The following KLHL32 variants were observed in gnomAD, a reference collection of about 807,000 sequenced individuals.
KLHL32 encodes the protein kelch like family member 32.
Under a neutral mutation model 64.8 loss-of-function variants are expected in KLHL32, and 35 were observed. The ratio of observed to expected loss-of-function variants is 0.54; its 90% CI spans 0.41 to 0.72. The LOEUF (loss-of-function observed/expected upper bound fraction) is 0.72, where lower values mean the gene tolerates loss of function less well. Ranked by LOEUF, KLHL32 falls within the 30% of genes least tolerant of loss-of-function variation. The pLI, the probability that KLHL32 is intolerant of heterozygous loss-of-function variation, is 0.00. For synonymous variants in KLHL32, 259 were observed against 281.0 expected, an observed-to-expected ratio of 0.92 and a Z score of 0.78; for missense variants, 589 against 768.5, an observed-to-expected ratio of 0.77 and a Z score of 2.76.
chr6:96,923,079 T>G (rs956911160), upstream of KLHL32, among the ~76,000 whole-genome samples: 1 of 152,196 alleles, frequency 6.6e-6, no homozygotes, highest in African/African-American at 2.4e-5. Context: ...GACTCTTCCA[T>G]AGTCACACAG....
intron 5 of KLHL32, among the ~76,000 whole-genome samples, chr6:97,065,952 G>T (rs549874433): frequency 1.3e-5 from 2 of 152,038 alleles, no homozygotes; most frequent in African/African-American, 4.8e-5. Flanking sequence ...ATGATTATTT[G>T]AGCACATTTA....
At chr6:96,912,832 A>G in the KLHL32 span, among the ~76,000 whole-genome samples, 1 of 152,054 alleles carries the variant, frequency 6.6e-6, no homozygotes, top group Non-Finnish European at 1.5e-5. Flanking sequence ...GTTCCTCTGC[A>G]TTGTAATTGC....
At chr6:97,112,499 T>G (rs1797274602) in intron 6 of KLHL32, among the ~76,000 whole-genome samples, 2 of 151,564 alleles carry the variant, frequency 1.3e-5, no homozygotes, top group South Asian at 2.1e-4. Context: ...CAGGCTGGAG[T>G]GCAATGGTGG....
At chr6:97,043,665 T>C (rs1395823548) in intron 4 of KLHL32, among the ~76,000 whole-genome samples, 1 of 152,164 alleles carries the variant, frequency 6.6e-6, no homozygotes, top group Non-Finnish European at 1.5e-5. Context: ...GGTGTATTAA[T>C]TTATATTCCC....
rs781729958 is a variant in KLHL32 at position 97,114,131 on chromosome 6, T to C, written c.976T>C (p.Trp326Arg). The C allele has an allele frequency of 6.2e-7, 1 of 1,614,198 alleles. No individual in the cohort carries two copies. The highest frequency in any genetic ancestry group is 8.5e-7 in the Non-Finnish European group (1 of 1,180,030). Residue 326 changes from tryptophan to arginine, a missense_variant, in exon 7 of 11, where the codon TGG becomes CGG. Trp to Arg is a moderately radical substitution (Grantham distance 101, BLOSUM62 -3). Transcript: ENST00000369261. ...ENALIAAIAN[W>R]SELAPMPVGR... ...TGCTCTCATAGCTGCCATTGCCAAC[T>C]GGAGTGAGCTGGCTCCCATGCCTGT...
chr6:96,990,388 G>T (rs1341785409), intron 3 of KLHL32, among the ~76,000 whole-genome samples: 1 of 152,162 alleles, frequency 6.6e-6, no homozygotes, highest in Non-Finnish European at 1.5e-5. Context: ...AGTTTGGGCT[G>T]TGATCCAGTA....
chr6:97,048,312 T>C (rs1015257744), intron 4 of KLHL32, among the ~76,000 whole-genome samples: 6 of 152,202 alleles, frequency 3.9e-5, no homozygotes, highest in Non-Finnish European at 8.8e-5. Flanking sequence ...TTCTCTTTAT[T>C]ATTCAGTAAC....
At chr6:96,920,025 G>T (rs1389266705), upstream of KLHL32, among the ~76,000 whole-genome samples, 3 of 152,198 alleles carry the variant, frequency 2.0e-5, no homozygotes, top group Non-Finnish European at 4.4e-5. Flanking sequence ...TCAGTGGAAA[G>T]GCAGGGTCTA....
At chr6:97,021,083 A>G (rs1257068271) in intron 3 of KLHL32, among the ~76,000 whole-genome samples, 2 of 150,986 alleles carry the variant, frequency 1.3e-5, no homozygotes, top group Non-Finnish European at 2.9e-5. Context: ...TATTATAAGG[A>G]GTTGGCTCAT....
At chr6:96,969,261 G>A (rs1774848202) in intron 2 of KLHL32, among the ~76,000 whole-genome samples, 1 of 152,094 alleles carries the variant, frequency 6.6e-6, no homozygotes. Context: ...TAATTGCTCT[G>A]TTTCTGAAAT....
intron 3 of KLHL32, among the ~76,000 whole-genome samples, chr6:96,986,787 A>G (rs556651699): frequency 1.3e-4 from 20 of 152,326 alleles, no homozygotes; most frequent in African/African-American, 4.6e-4. Flanking sequence ...TTCTTTGACT[A>G]GGAATGGGAA....
chr6:97,056,621 C>T (rs1787989094), intron 4 of KLHL32, among the ~76,000 whole-genome samples: 1 of 152,140 alleles, frequency 6.6e-6, no homozygotes, highest in African/African-American at 2.4e-5. Flanking sequence ...TTGGTATTGA[C>T]AAATAACTTG....
intron 3 of KLHL32, among the ~76,000 whole-genome samples, chr6:96,987,507 C>G (rs934428812): frequency 2.6e-5 from 4 of 152,258 alleles, no homozygotes; most frequent in African/African-American, 9.6e-5. Flanking sequence ...GAATCAATAT[C>G]ATGAAAATGG....
At chr6:96,903,344 T>C in the KLHL32 span, among the ~76,000 whole-genome samples, 8 of 152,016 alleles carry the variant, frequency 5.3e-5, no homozygotes, top group African/African-American at 1.9e-4. Context: ...ATAGCAAATA[T>C]GAATATAACA....
chr6:97,083,257 G>C (rs1349495756), intron 5 of KLHL32, among the ~76,000 whole-genome samples: 1 of 152,188 alleles, frequency 6.6e-6, no homozygotes, highest in Non-Finnish European at 1.5e-5. Flanking sequence ...GGGTGCGATG[G>C]CACGCGCCTG....
intron 2 of KLHL32, among the ~76,000 whole-genome samples, chr6:96,971,365 C>T: frequency 6.6e-6 from 1 of 152,158 alleles, no homozygotes; most frequent in East Asian, 1.9e-4. Context: ...ACTCTGTGAC[C>T]TCAGAGCAGC....
intron 3 of KLHL32, among the ~76,000 whole-genome samples, chr6:97,028,306 G>A (rs1783031693): frequency 6.6e-6 from 1 of 152,134 alleles, no homozygotes; most frequent in South Asian, 2.1e-4. Context: ...GATCTCTAAA[G>A]TGTTAACATT....
At chr6:96,912,908 T>C in the KLHL32 span, among the ~76,000 whole-genome samples, 1 of 152,206 alleles carries the variant, frequency 6.6e-6, no homozygotes, top group Non-Finnish European at 1.5e-5. Flanking sequence ...CAAGGTACCC[T>C]GTAAGCCCTG....
At chr6:97,130,160 A>G (rs1799282089) in intron 8 of KLHL32, among the ~76,000 whole-genome samples, 1 of 152,184 alleles carries the variant, frequency 6.6e-6, no homozygotes. Context: ...ATTTTGAAAA[A>G]ATGAATATGT....
Sources: allele counts gnomAD v4.1 joint callset (sites outside exome capture counted in the v4.1 genomes callset), GRCh38; gene constraint gnomAD v4.1.1; transcripts MANE v1.5; gene names NCBI Gene and HGNC (gene_info 2026-07-23, HGNC 2026-07-21).